SPATA21: variants seen among roughly 807,000 people sequenced by gnomAD.
SPATA21 encodes spermatogenesis associated 21.
SPATA21 carries 47 observed loss-of-function variants against 54.8 expected under a neutral mutation model. The observed-to-expected ratio is 0.86, with a 90% CI of 0.68 to 1.09. The LOEUF (loss-of-function observed/expected upper bound fraction) is 1.09. Ranked by LOEUF, SPATA21 falls within the 50% of genes least tolerant of loss-of-function variation. The pLI is 0.00. For missense variants in SPATA21, 599 were observed against 596.4 expected (o/e 1.00, Z -0.05); for synonymous variants, 245 against 235.3 (o/e 1.04, Z -0.38).
chr1:16,434,197 T>G (rs2086529100), intron 1 of SPATA21, among the ~76,000 whole-genome samples: 1 of 152,198 alleles, frequency 6.6e-6, no homozygotes, highest in Non-Finnish European at 1.5e-5. Flanking sequence ...CATTCCTTTT[T>G]ATGGCTGAGT....
chr1:16,400,937 T>C (rs1441764219), intron 10 of SPATA21, 45 bp from the exon 11 acceptor site: 1 of 1,588,928 alleles, frequency 6.3e-7, no homozygotes, highest in Non-Finnish European at 8.6e-7. Flanking sequence ...TGTGTTTAAT[T>C]CACCCTTCTC....
chr1:16,421,364 AACACACAGCC>A lies in SPATA21; in HGVS notation c.144+135_144+144del. The A allele has an allele frequency of 3.9e-6, 3 of 778,958 alleles. No individual in the cohort carries two copies. The East Asian group carries it at 8.1e-5, about 21-fold the overall frequency. 48.3% of individuals were successfully genotyped at this position (778,958 alleles called of 1,614,324 possible). A position where few individuals can be genotyped will look rare whatever the true frequency, so the allele number is the denominator to read the frequency against. On this transcript the variant is annotated intron_variant, in intron 5 of 12. Transcript: ENST00000335496. This position sits in a 1 kb window ranked among gnomAD's most constrained non-coding sequence, Gnocchi z 5.2. ...ACGTGTGCACATCCATGTGCACTTT[AACACACAGCC>A]ACACACACCTTCCTTGGTTTGACTC...
chr1:16,435,081 T>C (rs890719155), intron 1 of SPATA21, among the ~76,000 whole-genome samples: 6 of 152,054 alleles, frequency 3.9e-5, no homozygotes, highest in African/African-American at 1.2e-4. Context: ...GGTCTTGAAC[T>C]CCTCAGCTCA....
At chr1:16,399,221 C>A in intron 12 of SPATA21, 123 bp downstream of exon 12, 1 of 1,167,540 alleles carries the variant, frequency 8.6e-7, no homozygotes, top group East Asian at 2.5e-5. Flanking sequence ...TTTCTCCTCC[C>A]TGGAGCAAGC....
chr1:16,418,339 T>G (rs919903761), intron 5 of SPATA21, among the ~76,000 whole-genome samples: 5 of 152,164 alleles, frequency 3.3e-5, no homozygotes, highest in African/African-American at 1.2e-4. Context: ...TGGCGTGATC[T>G]CGGCTCACTG....
Position 16,403,801 on chromosome 1 carries a change from A to G in SPATA21, c.927T>C (p.Thr309=). 6.2e-7 allele frequency: 1 copy of G among 1,612,612 alleles called. No individual in the cohort carries two copies. Among genetic ancestry groups the G allele is most frequent in the Non-Finnish European group, 8.5e-7 (1 of 1,179,408 alleles). Residue 309 remains threonine, a synonymous_variant, in exon 10 of 13, where the codon ACT becomes ACC. Transcript: ENST00000335496. ...GCAGGGACAGGATCTCAAAGAGTAG[A>G]GTGTGGGGGTTGTGGGGAGCCATGT... ...LSDMAPHNPH[T]LLFEILSLLV...
chr1:16,410,150 T>G (rs1169632917), intron 5 of SPATA21, 107 bp from the exon 6 acceptor site: 3 of 933,188 alleles, frequency 3.2e-6, no homozygotes, highest in Non-Finnish European at 4.7e-6. Context: ...CCCCTTACTC[T>G]CTGAGCCTTT....
chr1:16,426,557 C>CTATATATATA (rs778670029), intron 3 of SPATA21, among the ~76,000 whole-genome samples: 4,783 of 85,404 alleles, frequency 0.056, 353 homozygotes, highest in East Asian at 0.18. Context: ...TGGTGCCCGG[C>CTATATATATA]TATATATATA....
At chr1:16,429,876 A>G (rs1466574787) in intron 3 of SPATA21, among the ~76,000 whole-genome samples, 1 of 150,834 alleles carries the variant, frequency 6.6e-6, no homozygotes, top group Non-Finnish European at 1.5e-5. Context: ...ACATTCAAAA[A>G]GAGGCCAGTG....
At chr1:16,416,288 C>T (rs926279825) in intron 5 of SPATA21, among the ~76,000 whole-genome samples, 9 of 152,202 alleles carry the variant, frequency 5.9e-5, no homozygotes, top group South Asian at 2.1e-4. Flanking sequence ...CTTCACTCCA[C>T]GACTGTGCAG....
chr1:16,396,338 C>G (rs1375294334), downstream of SPATA21: 4 of 152,210 alleles, frequency 2.6e-5, no homozygotes. Flanking sequence ...ACCTTGAAGG[C>G]AGAACATTCT....
At chr1:16,430,149 C>T (rs913383074) in intron 3 of SPATA21, among the ~76,000 whole-genome samples, 2 of 145,566 alleles carry the variant, frequency 1.4e-5, no homozygotes, top group African/African-American at 2.5e-5. Context: ...AAGAAGATGC[C>T]GGACACGGAG....
At chr1:16,435,286 T>C (rs571967860) in intron 1 of SPATA21, among the ~76,000 whole-genome samples, 2 of 152,238 alleles carry the variant, frequency 1.3e-5, no homozygotes, top group East Asian at 3.9e-4. Flanking sequence ...GCCATTTGTC[T>C]ATCTTCTTTG....
chr1:16,406,755 A>C lies in SPATA21; in HGVS notation c.674-1651T>G, dbSNP rs2085654362. Among the ~76,000 whole-genome samples, 9 of 152,278 alleles carry C rather than the reference A, an allele frequency of 5.9e-5. No individual in the cohort carries two copies. The South Asian group carries it at 1.9e-3, about 32-fold the overall frequency. On this transcript the variant is annotated intron_variant, in intron 7 of 12. Transcript: ENST00000335496. ...AGGCCCTGTCTCAAATAAATAAATA[A>C]ATAATAAACGCAAATTTGGACACAC...
chr1:16,398,840 G>T lies in SPATA21; in HGVS notation c.1353-18C>A, dbSNP rs1445152673. The T allele has an allele frequency of 6.2e-7, 1 of 1,610,626 alleles. No individual in the cohort carries two copies. Among genetic ancestry groups the T allele is most frequent in the Non-Finnish European group, 8.5e-7 (1 of 1,178,372 alleles). Reference sequence around the variant, plus strand: ...TGTGTTCCCTGGGGAGAGGAGTAGGGCAGAAGGGTGGGAGACATGTGGCCC... The same window carrying T: ...TGTGTTCCCTGGGGAGAGGAGTAGGTCAGAAGGGTGGGAGACATGTGGCCC... On this transcript the variant is annotated intron_variant, in intron 12 of 12. Coordinates refer to ENST00000335496, the MANE Select transcript of SPATA21 (RefSeq NM_198546.1).
chr1:16,399,026 G>T (rs1045384298), intron 12 of SPATA21, among the ~76,000 whole-genome samples: 1 of 152,202 alleles, frequency 6.6e-6, no homozygotes, highest in Non-Finnish European at 1.5e-5. Context: ...TGCTGCAGGA[G>T]ACGTTCCCCT....
In SPATA21 at chr1:16,409,568, A is replaced by G. The variant is rs1417343792; in HGVS notation, c.587+33T>C. ...CAAGGCTCTGATCTTGGGGCCTTTC[A>G]GGAGCGGGCGGGTGAGCAGCGGGGG... is the stretch of plus-strand genomic sequence containing the variant. On this transcript the variant is annotated intron_variant, in intron 6 of 12. Coordinates refer to ENST00000335496, the MANE Select transcript of SPATA21 (RefSeq NM_198546.1). The surrounding 1 kb of genome is among the most constrained non-coding windows in gnomAD (Gnocchi z 4.1). The G allele has an allele frequency of 1.9e-6, 3 of 1,588,432 alleles. No homozygotes were observed. Among genetic ancestry groups the G allele is most frequent in the Non-Finnish European group, 2.6e-6 (3 of 1,169,570 alleles).
intron 7 of SPATA21, chr1:16,408,723 A>T (rs773425846): frequency 2.5e-4 from 41 of 162,352 alleles, no homozygotes; most frequent in Non-Finnish European, 5.0e-4. Context: ...TACAAAAATT[A>T]GCCGGGCGTG....
chr1:16,421,854 A>G lies in SPATA21; in HGVS notation c.95+57T>C, dbSNP rs1165077452. On this transcript the variant is annotated intron_variant, in intron 4 of 12. Coordinates refer to ENST00000335496, the MANE Select transcript of SPATA21 (RefSeq NM_198546.1). This position sits in a 1 kb window ranked among gnomAD's most constrained non-coding sequence, Gnocchi z 5.2. ...TGGACTAGAATTCACCCCACCTGAA[A>G]CTCAGCAGAAGAGCATCCTTGTTGG... The G allele has an allele frequency of 2.4e-5, 39 of 1,613,572 alleles. No individual in the cohort carries two copies. The East Asian group carries it at 8.7e-4, about 36-fold the overall frequency.
Sources: gnomAD v4.1 joint callset for allele counts (sites outside exome capture counted in the v4.1 genomes callset) on GRCh38, gnomAD v4.1.1 for gene constraint, Gnocchi (gnomAD v3.1) non-coding constraint, MANE v1.5 for transcripts, NCBI Gene and HGNC (gene_info 2026-07-23, HGNC 2026-07-21) for gene names.